PIR: variants seen among roughly 807,000 people sequenced by gnomAD.
The protein encoded by PIR is pirin.
PIR carries 22 observed loss-of-function variants against 24.2 expected under a neutral mutation model. That is an observed-to-expected ratio of 0.91 (90% CI 0.65 to 1.30). PIR has a LOEUF of 1.30. Ranked by LOEUF, PIR falls within the 50% of genes most tolerant of loss-of-function variation. The pLI is 0.00. For missense variants in PIR, 220 were observed against 220.3 expected (o/e 1.00, Z 0.01); for synonymous variants, 80 against 79.6 (o/e 1.00, Z -0.03).
intron 7 of PIR, among the ~76,000 whole-genome samples, chrX:15,406,955 G>A (rs1171942259): frequency 8.9e-6 from 1 of 112,376 alleles, no homozygotes; most frequent in African/African-American, 3.2e-5. Context: ...CGTAACCCTG[G>A]TAAGTTAAAC....
chrX:15,437,374 T>C (rs866638097), intron 5 of PIR, among the ~76,000 whole-genome samples: 1 of 112,029 alleles, frequency 8.9e-6, no homozygotes, highest in Non-Finnish European at 1.9e-5. Context: ...TAGATTCGTG[T>C]TGCCCTAAGA....
intron 2 of PIR, among the ~76,000 whole-genome samples, chrX:15,489,668 ACT>A (rs371010731): frequency 8.9e-6 from 1 of 112,116 alleles, no homozygotes; most frequent in African/African-American, 3.2e-5. Context: ...TTCAGAAAAC[ACT>A]GTTTGATGGA....
At chrX:15,411,682 C>A (rs187257498) in intron 6 of PIR, among the ~76,000 whole-genome samples, 1 of 110,986 alleles carries the variant, frequency 9.0e-6, no homozygotes, top group African/African-American at 3.3e-5. Flanking sequence ...ACCTCCCCCC[C>A]GCCACCGGAA....
chrX:15,390,946 T>A (rs772680234), intron 8 of PIR, among the ~76,000 whole-genome samples: 5 of 111,674 alleles, frequency 4.5e-5, no homozygotes, highest in Admixed American at 9.6e-5. Context: ...AGAGAGCAAT[T>A]TGACAATATG....
intron 5 of PIR, among the ~76,000 whole-genome samples, chrX:15,445,395 T>G (rs1291247213): frequency 9.1e-6 from 1 of 109,370 alleles, no homozygotes; most frequent in African/African-American, 3.3e-5. Context: ...GGGGGTGGGG[T>G]TCTGGGGGAG....
At chrX:15,491,751 C>G (rs895125797) in intron 1 of PIR, among the ~76,000 whole-genome samples, 15 of 111,191 alleles carry the variant, frequency 1.3e-4, no homozygotes, top group African/African-American at 4.9e-4. Flanking sequence ...GTTGCAGTTG[C>G]CTCAGTATTC....
At chrX:15,407,481 C>A in intron 7 of PIR, 25 bp downstream of exon 7, 1 of 1,137,648 alleles carries the variant, frequency 8.8e-7, no homozygotes, top group Non-Finnish European at 1.2e-6. Flanking sequence ...GCAATTGAGC[C>A]CTAAGTGACA....
chrX:15,473,411 G>A (rs73635090), intron 3 of PIR, among the ~76,000 whole-genome samples: 5,693 of 111,577 alleles, frequency 0.051, 370 homozygotes, highest in African/African-American at 0.17. Flanking sequence ...TATGATTGAC[G>A]AATATTTAAA....
intron 5 of PIR, among the ~76,000 whole-genome samples, chrX:15,431,026 A>C (rs1034825097): frequency 2.9e-4 from 33 of 112,330 alleles, no homozygotes; most frequent in African/African-American, 1.1e-3. Flanking sequence ...TAATAAATGC[A>C]TTCACAGTTC....
intron 5 of PIR, among the ~76,000 whole-genome samples, chrX:15,433,279 G>C (rs1428974737): frequency 1.8e-5 from 2 of 110,485 alleles, no homozygotes; most frequent in Non-Finnish European, 3.8e-5. Flanking sequence ...TTAAGGGTCT[G>C]GCCAAGAAAA....
At chrX:15,478,203 G>GTTGGGTA (rs1922314247) in intron 3 of PIR, among the ~76,000 whole-genome samples, 1 of 111,613 alleles carries the variant, frequency 9.0e-6, no homozygotes. Context: ...TCTTGGGTAT[G>GTTGGGTA]TGAGGGGAGG....
At chrX:15,481,853 G>A (rs1370975430) in intron 2 of PIR, among the ~76,000 whole-genome samples, 1 of 111,759 alleles carries the variant, frequency 8.9e-6, no homozygotes, top group African/African-American at 3.3e-5. Context: ...GATTAAAGCC[G>A]TGGCAGACTG....
At chrX:15,457,113 C>A (rs914638968) in intron 4 of PIR, among the ~76,000 whole-genome samples, 1 of 112,027 alleles carries the variant, frequency 8.9e-6, no homozygotes, top group Non-Finnish European at 1.9e-5. Context: ...TATCTGTGGA[C>A]ATCTGGAATT....
At chrX:15,396,827 A>G (rs3829994) in intron 8 of PIR, among the ~76,000 whole-genome samples, 54,014 of 106,077 alleles carry the variant, frequency 0.51, 9,964 homozygotes, top group Non-Finnish European at 0.59. Context: ...TGCAAGCTCC[A>G]CCTCCCGGGT....
At chrX:15,418,596 C>T (rs2147025188) in intron 6 of PIR, among the ~76,000 whole-genome samples, 1 of 112,285 alleles carries the variant, frequency 8.9e-6, no homozygotes, top group South Asian at 3.7e-4. Flanking sequence ...CTGATATCAA[C>T]TGCCTTCCAA....
intron 2 of PIR, among the ~76,000 whole-genome samples, chrX:15,488,716 A>G (rs1356100077): frequency 8.9e-6 from 1 of 111,829 alleles, no homozygotes; most frequent in African/African-American, 3.3e-5. Flanking sequence ...ATTCCTATCC[A>G]TTTATTTTTC....
intron 6 of PIR, among the ~76,000 whole-genome samples, chrX:15,419,972 G>A (rs926853794): frequency 4.5e-5 from 5 of 109,942 alleles, no homozygotes; most frequent in Admixed American, 9.7e-5. Flanking sequence ...CGAGGTGGGC[G>A]GATCACCTGA....
intron 7 of PIR, among the ~76,000 whole-genome samples, chrX:15,399,405 G>A (rs1924304169): frequency 8.9e-6 from 1 of 112,261 alleles, no homozygotes; most frequent in Non-Finnish European, 1.9e-5. Flanking sequence ...GAGGCAGCAG[G>A]GTTCATTCTG....
chrX:15,429,032 G>A (rs1925414054), intron 5 of PIR, among the ~76,000 whole-genome samples: 1 of 111,848 alleles, frequency 8.9e-6, no homozygotes, highest in South Asian at 3.7e-4. Flanking sequence ...GCTGGGGTGA[G>A]GGAGGGCAAC....
Sources: gnomAD v4.1 joint callset for allele counts (sites outside exome capture counted in the v4.1 genomes callset) on GRCh38, gnomAD v4.1.1 for gene constraint, MANE v1.5 for transcripts, NCBI Gene and HGNC (gene_info 2026-07-23, HGNC 2026-07-21) for gene names.